Variants in CNTN1 observed in about 807,000 individuals in gnomAD.
CNTN1 encodes contactin-1.
Under a neutral mutation model 126.4 loss-of-function variants are expected in CNTN1, and 38 were observed. That is an observed-to-expected ratio of 0.30 (90% CI 0.23 to 0.39). CNTN1 has a LOEUF of 0.39. Among genes scored for constraint, CNTN1 ranks in the 10% least tolerant of loss-of-function variants. The pLI is 1.00. For missense variants in CNTN1, 1,009 were observed against 1,248.4 expected, an observed-to-expected ratio of 0.81 and a Z score of 2.89; for synonymous variants, 413 against 422.6, an observed-to-expected ratio of 0.98 and a Z score of 0.28.
chr12:40,883,245 A>G (rs1327352603), intron 1 of CNTN1, among the ~76,000 whole-genome samples: 1 of 151,614 alleles, frequency 6.6e-6, no homozygotes, highest in Non-Finnish European at 1.5e-5. Context: ...AGTTAAATGT[A>G]TTCTTCAGCT....
At chr12:40,990,819 T>G (rs1948079551) in intron 16 of CNTN1, among the ~76,000 whole-genome samples, 1 of 152,166 alleles carries the variant, frequency 6.6e-6, no homozygotes, top group South Asian at 2.1e-4. Flanking sequence ...AAGAACACAA[T>G]ATCCTCATTC....
Position 41,025,138 on chromosome 12 carries a change from G to T in CNTN1, c.2524-12G>T. The T allele has an allele frequency of 1.2e-6, 2 of 1,613,438 alleles. No homozygotes were observed. Among genetic ancestry groups the T allele is most frequent in the South Asian group, 2.2e-5 (2 of 91,066 alleles). The stretch of plus-strand genomic sequence containing the variant: ...ATCATGGCAAAATATAACTCATCCT[G>T]AATGTTTGCAGATTCGGTATTGGGC... On this transcript the variant is annotated splice_polypyrimidine_tract_variant and intron_variant, in intron 20 of 23. Transcript: ENST00000551295.
chr12:40,753,500 G>A (rs1383695919), intron 1 of CNTN1, among the ~76,000 whole-genome samples: 2 of 152,098 alleles, frequency 1.3e-5, no homozygotes, highest in Non-Finnish European at 2.9e-5. Context: ...GGCGGAAGGG[G>A]AAGCAAACAC....
intron 16 of CNTN1, among the ~76,000 whole-genome samples, chr12:40,983,937 A>G (rs278921): frequency 0.49 from 62,993 of 129,752 alleles, 15,028 homozygotes; most frequent in Non-Finnish European, 0.51. Context: ...ATTATATGCT[A>G]TGTCATATAT....
chr12:40,761,589 T>C (rs1938868516), intron 1 of CNTN1, among the ~76,000 whole-genome samples: 1 of 152,142 alleles, frequency 6.6e-6, no homozygotes, highest in Admixed American at 6.5e-5. Context: ...AGGTAAGGTT[T>C]TTTTAAAAAT....
chr12:41,034,087 T>A (rs1247495077), intron 23 of CNTN1, among the ~76,000 whole-genome samples: 5 of 151,938 alleles, frequency 3.3e-5, no homozygotes, highest in African/African-American at 1.2e-4. Context: ...TGTCATGATG[T>A]CCTGAACTGG....
intron 19 of CNTN1, 82 bp from the exon 20 acceptor site, chr12:41,020,255 C>A: frequency 1.2e-6 from 1 of 866,782 alleles, no homozygotes; most frequent in South Asian, 1.5e-5. Context: ...GGTCCAACAT[C>A]ATTCATATAG....
intron 15 of CNTN1, among the ~76,000 whole-genome samples, chr12:40,974,107 A>G (rs953674967): frequency 6.6e-6 from 1 of 152,232 alleles, no homozygotes; most frequent in Non-Finnish European, 1.5e-5. Flanking sequence ...TTTAAAAATT[A>G]GTTTACATAT....
At chr12:40,817,420 T>TA (rs910923818) in intron 1 of CNTN1, among the ~76,000 whole-genome samples, 1 of 151,978 alleles carries the variant, frequency 6.6e-6, no homozygotes, top group African/African-American at 2.4e-5. Flanking sequence ...TTTGTCTTTT[T>TA]AGCTCTTTGT....
intron 23 of CNTN1, among the ~76,000 whole-genome samples, chr12:41,068,827 T>G (rs1950103928): frequency 6.6e-6 from 1 of 152,168 alleles, no homozygotes; most frequent in Non-Finnish European, 1.5e-5. Flanking sequence ...AGCAGCATGT[T>G]CATTGAAGAT....
chr12:41,066,064 A>C (rs1950044035), intron 23 of CNTN1, among the ~76,000 whole-genome samples: 1 of 152,190 alleles, frequency 6.6e-6, no homozygotes, highest in African/African-American at 2.4e-5. Flanking sequence ...ACCATCTAAT[A>C]AAAACACTTT....
chr12:40,737,445 G>A (rs187973507), intron 1 of CNTN1, among the ~76,000 whole-genome samples: 18 of 150,098 alleles, frequency 1.2e-4, no homozygotes, highest in African/African-American at 4.4e-4. Context: ...TGCAAGCTGA[G>A]GAGCAAGGAG....
intron 1 of CNTN1, among the ~76,000 whole-genome samples, chr12:40,839,466 A>G (rs148440848): frequency 6.6e-6 from 1 of 152,350 alleles, no homozygotes; most frequent in African/African-American, 2.4e-5. Flanking sequence ...ATGTGTCTCC[A>G]TGGCACATTA....
rs143005499 is a variant in CNTN1 at position 40,812,668 on chromosome 12, C to T, written c.-76-95689C>T. On this transcript the variant is annotated intron_variant, in intron 1 of 23. Transcript: ENST00000551295. Reference sequence around the variant, plus strand: ...ATGATATAATGACCTTTGTCTCTTACGACAGTATTTTACTTAAAGTCTATT... The same window carrying T: ...ATGATATAATGACCTTTGTCTCTTATGACAGTATTTTACTTAAAGTCTATT... 9.9e-5 allele frequency among the ~76,000 whole-genome samples: 15 copies of T among 152,144 alleles called. No individual in the cohort carries two copies. The East Asian group carries it at 1.9e-3, about 20-fold the overall frequency.
At chr12:40,836,568 A>G (rs1942067588) in intron 1 of CNTN1, among the ~76,000 whole-genome samples, 1 of 152,204 alleles carries the variant, frequency 6.6e-6, no homozygotes, top group Non-Finnish European at 1.5e-5. Context: ...GATGGTACAC[A>G]GTATGTACAA....
chr12:40,817,033 A>C (rs111646740), intron 1 of CNTN1, among the ~76,000 whole-genome samples: 3,462 of 152,080 alleles, frequency 0.023, 128 homozygotes, highest in African/African-American at 0.078. Flanking sequence ...GATTTCCATT[A>C]TTTTGCATTT....
chr12:40,723,639 A>G (rs1371947327), intron 1 of CNTN1, among the ~76,000 whole-genome samples: 2 of 152,220 alleles, frequency 1.3e-5, no homozygotes, highest in Non-Finnish European at 2.9e-5. Flanking sequence ...TATTCATTCC[A>G]GGCATGAAGT....
At position 40,739,879 on chromosome 12, in the gene CNTN1, A is replaced by C. The variant is rs149854885; in HGVS notation, c.-77+47287A>C. 2.8e-4 allele frequency among the ~76,000 whole-genome samples: 42 copies of C among 152,192 alleles called. No homozygotes were observed. The East Asian group carries it at 7.7e-3, about 28-fold the overall frequency. ...AAATGTCCAAGATCAATAAGAAGAA[A>C]ACATATTACACTACCAAGGATTAGA... On this transcript the variant is annotated intron_variant, in intron 1 of 23. Coordinates refer to ENST00000551295, the MANE Select transcript of CNTN1 (RefSeq NM_001843.4).
At chr12:40,738,794 C>T (rs1937808536) in intron 1 of CNTN1, among the ~76,000 whole-genome samples, 1 of 151,996 alleles carries the variant, frequency 6.6e-6, no homozygotes, top group South Asian at 2.1e-4. Flanking sequence ...TGTTTTGTGT[C>T]TACCAAATTT....
Sources: gnomAD v4.1 joint callset for allele counts (sites outside exome capture counted in the v4.1 genomes callset) on GRCh38, gnomAD v4.1.1 for gene constraint, MANE v1.5 for transcripts, NCBI Gene and HGNC (gene_info 2026-07-23, HGNC 2026-07-21) for gene names.